The following CD6 variants were observed in gnomAD, a reference collection of about 807,000 sequenced individuals.
CD6 encodes T-cell differentiation antigen CD6.
In CD6, 53 loss-of-function variants were observed where a neutral mutation model predicts 75.3. The ratio of observed to expected loss-of-function variants is 0.70; its 90% CI spans 0.56 to 0.88. CD6 has a LOEUF of 0.88. CD6 is among the 40% of genes least tolerant of loss of function. The probability of loss-of-function intolerance (pLI) is 0.00; values close to 1 mark genes in which losing one functional copy is unlikely to be tolerated. For synonymous variants in CD6, 359 were observed against 381.5 expected, an observed-to-expected ratio of 0.94 and a Z score of 0.69; for missense variants, 770 against 897.1, an observed-to-expected ratio of 0.86 and a Z score of 1.81.
intron 1 of CD6, among the ~76,000 whole-genome samples, chr11:61,003,356 G>A (rs1858688602): frequency 6.6e-6 from 1 of 152,174 alleles, no homozygotes; most frequent in African/African-American, 2.4e-5. Context: ...TCAAACCATA[G>A]CAGGCTCCTT....
chr11:60,976,760 T>C (rs1439342955), intron 1 of CD6, among the ~76,000 whole-genome samples: 3 of 152,200 alleles, frequency 2.0e-5, no homozygotes, highest in Non-Finnish European at 4.4e-5. Context: ...CCGTGCCCTC[T>C]AACTGGGCTG....
In CD6 at chr11:61,007,767, C is replaced by T; in HGVS notation, c.326C>T (p.Ala109Val). 5.5e-6 allele frequency: 8 copies of T among 1,462,984 alleles called. No individual in the cohort carries two copies. Among genetic ancestry groups the T allele is most frequent in the Non-Finnish European group, 7.2e-6 (8 of 1,106,740 alleles). 90.6% of individuals were successfully genotyped at this position (1,462,984 alleles called of 1,614,324 possible). A position where few individuals can be genotyped will look rare whatever the true frequency, so the allele number is the denominator to read the frequency against. ...PPTPELPPPP[A>V]AGNTSVAANA... is the part of the protein sequence containing the mutation. ...ACCCCTGAGCTGCCGCCCCCGCCTG[C>T]AGCCGGGAACACCAGCGTAGCAGCT... The change falls in exon 3 of 13, where the codon GCA (alanine) becomes GTA (valine). Residue 109 changes from alanine to valine, a missense_variant. Transcript: ENST00000313421. This position sits in a 1 kb window ranked among gnomAD's most constrained non-coding sequence, Gnocchi z 4.2.
chr11:60,997,033 TC>T (rs928889031), intron 1 of CD6, among the ~76,000 whole-genome samples: 1 of 151,976 alleles, frequency 6.6e-6, no homozygotes, highest in Non-Finnish European at 1.5e-5. Flanking sequence ...ATAGGTACCT[TC>T]CCCCCATACA....
chr11:61,007,792 T>C lies in CD6; in HGVS notation c.351T>C (p.Ala117=). 1 of 1,477,632 alleles carries C rather than the reference T, an allele frequency of 6.8e-7. No homozygotes were observed. Among genetic ancestry groups the C allele is most frequent in the South Asian group, 1.3e-5 (1 of 77,188 alleles). The allele number at this position is 1,477,632 out of a possible 1,614,324, so 91.5% of individuals were successfully genotyped here. ...PPAAGNTSVA[A]NATLAGAPAL... ...CAGCCGGGAACACCAGCGTAGCAGC[T>C]AATGCCACTCTGGCCGGGGCGCCCG... is the stretch of plus-strand genomic sequence containing the variant. Residue 117 remains alanine (A), a synonymous_variant, in exon 3 of 13, where the codon GCT becomes GCC. Transcript: ENST00000313421. The surrounding 1 kb of genome is among the most constrained non-coding windows in gnomAD (Gnocchi z 4.2).
chr11:61,013,644 C>T, intron 7 of CD6, 81 bp downstream of exon 7: 1 of 1,459,508 alleles, frequency 6.9e-7, no homozygotes, highest in Admixed American at 1.8e-5. Context: ...TGGCGTGGTC[C>T]AGCAATGACC....
chr11:61,007,912 T>C lies in CD6; in HGVS notation c.469+2T>C. 7.5e-7 allele frequency: 1 copy of C among 1,337,406 alleles called. No individual in the cohort carries two copies. The highest frequency in any genetic ancestry group is 9.6e-7 in the Non-Finnish European group (1 of 1,047,110). The allele number at this position is 1,337,406 out of a possible 1,614,324, so 82.8% of individuals were successfully genotyped here. On this transcript the variant is annotated splice_donor_variant, in intron 3 of 12. Coordinates refer to ENST00000313421, the MANE Select transcript of CD6 (RefSeq NM_006725.5). LOFTEE classifies it high-confidence loss of function. This position sits in a 1 kb window ranked among gnomAD's most constrained non-coding sequence, Gnocchi z 4.2. ...GGCGGGCCCGTGTCACCTGTGCAGG[T>C]ACGAGCGCACCCCCTACACGGGCCC...
At chr11:60,993,427 G>A (rs1029588172) in intron 1 of CD6, among the ~76,000 whole-genome samples, 3 of 152,108 alleles carry the variant, frequency 2.0e-5, no homozygotes, top group Non-Finnish European at 4.4e-5. Context: ...TAGCTACCAA[G>A]GGCCAAACGA....
At chr11:61,016,989 C>T (rs1018807619) in intron 9 of CD6, 16 of 162,484 alleles carry the variant, frequency 9.8e-5, no homozygotes, top group Admixed American at 4.0e-4. Flanking sequence ...CAGTGGTACC[C>T]GGTTCAAAAG....
At position 61,007,892 on chromosome 11, in the gene CD6, G is replaced by A. The variant is rs1590713919; in HGVS notation, c.451G>A (p.Ala151Thr). The A allele has an allele frequency of 7.3e-7, 1 of 1,369,932 alleles. No individual in the cohort carries two copies. The highest frequency in any genetic ancestry group is 1.7e-5 in the South Asian group (1 of 58,318). 84.9% of individuals were successfully genotyped at this position (1,369,932 alleles called of 1,614,324 possible). ...EHACRSDGRRARVTCAENRAL... is the reference protein window; with the variant it reads ...EHACRSDGRRTRVTCAENRAL... ...CGCGTGCCGCAGCGACGGGAGGCGG[G>A]CCCGTGTCACCTGTGCAGGTACGAG... The change falls in exon 3 of 13, where the codon GCC (alanine) becomes ACC (threonine). Residue 151 changes from alanine to threonine, a missense_variant. Ala to Thr is a moderately conservative substitution (Grantham distance 58, BLOSUM62 0). Transcript: ENST00000313421. The surrounding 1 kb of genome is among the most constrained non-coding windows in gnomAD (Gnocchi z 4.2).
At chr11:61,018,879 G>C in intron 12 of CD6, 3 of 279,192 alleles carry the variant, frequency 1.1e-5, no homozygotes, top group Non-Finnish European at 2.0e-5. Context: ...AAATGGATGT[G>C]GACGGGATGG....
intron 9 of CD6, 66 bp from the exon 10 acceptor site, chr11:61,017,413 C>G: frequency 7.6e-7 from 1 of 1,317,570 alleles, no homozygotes; most frequent in Admixed American, 2.0e-5. Flanking sequence ...AATCCAGCCT[C>G]TTCTCCAGGC....
rs1859573224 is a variant in CD6 at position 61,019,396 on chromosome 11, AC to A, written c.*81del. 1.8e-6 allele frequency: 2 copies of A among 1,116,962 alleles called. No homozygotes were observed. The highest frequency in any genetic ancestry group is 2.9e-5 in the South Asian group (2 of 68,250). 69.2% of individuals were successfully genotyped at this position (1,116,962 alleles called of 1,614,324 possible). The stretch of plus-strand genomic sequence containing the variant: ...CTACCTACTCCCTTTCCCCTTTCCC[AC>A]CCTCCCAGCTCACCTCCCCATGGAG... On this transcript the variant is annotated 3_prime_UTR_variant, in exon 13 of 13. Coordinates refer to ENST00000313421, the MANE Select transcript of CD6 (RefSeq NM_006725.5).
chr11:60,992,845 A>T (rs193090001), intron 1 of CD6, among the ~76,000 whole-genome samples: 18 of 152,020 alleles, frequency 1.2e-4, no homozygotes, highest in South Asian at 6.2e-4. Context: ...AAAAAAAAAT[A>T]AAAAAATTAA....
At chr11:60,974,218 G>C (rs1173218543) in intron 1 of CD6, among the ~76,000 whole-genome samples, 1 of 152,244 alleles carries the variant, frequency 6.6e-6, no homozygotes, top group Non-Finnish European at 1.5e-5. Flanking sequence ...GGGTGGGGCT[G>C]CCTGGCTCTG....
Position 61,007,977 on chromosome 11 carries a change from G to A in CD6, c.469+67G>A, listed in dbSNP as rs1011744720. 7 of 1,075,250 alleles carry A rather than the reference G, an allele frequency of 6.5e-6. No individual in the cohort carries two copies. Among genetic ancestry groups the A allele is most frequent in the Non-Finnish European group, 8.5e-6 (7 of 826,912 alleles). The allele number at this position is 1,075,250 out of a possible 1,614,324, so 66.6% of individuals were successfully genotyped here. Reference sequence around the variant, plus strand: ...CCCCAGGCCTTCAGCCACTGCCCCTGGCTCCAGACCCTGGACGCAAGCCTC... The same window carrying A: ...CCCCAGGCCTTCAGCCACTGCCCCTAGCTCCAGACCCTGGACGCAAGCCTC... On this transcript the variant is annotated intron_variant, in intron 3 of 12. Coordinates refer to ENST00000313421, the MANE Select transcript of CD6 (RefSeq NM_006725.5). The surrounding 1 kb of genome is among the most constrained non-coding windows in gnomAD (Gnocchi z 4.2).
intron 8 of CD6, among the ~76,000 whole-genome samples, chr11:61,014,666 C>T (rs1349935033): frequency 2.0e-5 from 3 of 149,592 alleles, no homozygotes; most frequent in Non-Finnish European, 3.0e-5. Context: ...ACCTGGGAGG[C>T]GGAGGTTGCA....
At chr11:60,985,915 T>C (rs1368879550) in intron 1 of CD6, among the ~76,000 whole-genome samples, 1 of 152,246 alleles carries the variant, frequency 6.6e-6, no homozygotes, top group Non-Finnish European at 1.5e-5. Context: ...TACTGCATGA[T>C]TCAGTTCCAT....
intron 1 of CD6, among the ~76,000 whole-genome samples, chr11:60,996,550 G>A (rs1045984853): frequency 1.3e-5 from 2 of 152,228 alleles, no homozygotes; most frequent in East Asian, 1.9e-4. Context: ...CTCGGGAGGC[G>A]GGCCCACCAG....
Position 61,017,487 on chromosome 11 carries a change from C to A in CD6, c.1519C>A (p.Arg507=), listed in dbSNP as rs754489367. 34 of 1,549,038 alleles carry A rather than the reference C, an allele frequency of 2.2e-5. No homozygotes were observed. The highest frequency in any genetic ancestry group is 2.7e-5 in the Non-Finnish European group (31 of 1,146,772). The part of the protein sequence containing the change: ...VALTTFYNSQ[R]HRVTDEEVQQ... Reference sequence around the variant, plus strand: ...ACCGCCTCTGCTTGCAGATTCCCAGCGGCATCGGGTCACAGATGAGGAGGT... The same window carrying A: ...ACCGCCTCTGCTTGCAGATTCCCAGAGGCATCGGGTCACAGATGAGGAGGT... Residue 507 remains arginine, a synonymous_variant, in exon 10 of 13, where the codon CGG becomes AGG. Coordinates refer to ENST00000313421, the MANE Select transcript of CD6 (RefSeq NM_006725.5).
Sources: allele counts gnomAD v4.1 joint callset (sites outside exome capture counted in the v4.1 genomes callset), GRCh38; gene constraint gnomAD v4.1.1; non-coding constraint Gnocchi (gnomAD v3.1); transcripts MANE v1.5; gene names NCBI Gene and HGNC (gene_info 2026-07-23, HGNC 2026-07-21).